The following MARCHF1 variants were observed in gnomAD, a reference collection of about 807,000 sequenced individuals.
MARCHF1 encodes E3 ubiquitin-protein ligase MARCHF1.
MARCHF1 carries 40 observed loss-of-function variants against 54.2 expected under a neutral mutation model. That is an observed-to-expected ratio of 0.74 (90% confidence interval 0.57 to 0.96). The LOEUF is 0.96. MARCHF1 is among the 40% of genes least tolerant of loss of function. MARCHF1 has a pLI of 0.00. For synonymous variants in MARCHF1, 236 were observed against 236.3 expected, an observed-to-expected ratio of 1.00 and a Z score of 0.01; for missense variants, 586 against 656.5, an observed-to-expected ratio of 0.89 and a Z score of 1.17.
chr4:164,263,717 G>T (rs1387291712), intron 1 of MARCHF1, among the ~76,000 whole-genome samples: 2 of 152,130 alleles, frequency 1.3e-5, no homozygotes, highest in African/African-American at 4.8e-5. Context: ...AAGAATACAT[G>T]CATGCAGCCA....
At chr4:163,953,190 C>T (rs1479783034) in intron 3 of MARCHF1, among the ~76,000 whole-genome samples, 1 of 152,172 alleles carries the variant, frequency 6.6e-6, no homozygotes, top group Non-Finnish European at 1.5e-5. Context: ...CGGTCTCCCT[C>T]ACCTTCCTAT....
chr4:163,986,249 C>CCTTTTTTTTTTTTTTTTTTTTTT (rs1752864138), intron 3 of MARCHF1, among the ~76,000 whole-genome samples: 5 of 28,896 alleles, frequency 1.7e-4, no homozygotes, highest in Non-Finnish European at 3.1e-4. Flanking sequence ...TTAACCTCTT[C>CCTTTTTTTTTTTTTTTTTTTTTT]TTTTTTTTTT....
At chr4:164,162,297 T>G (rs1730258848) in intron 1 of MARCHF1, among the ~76,000 whole-genome samples, 1 of 152,088 alleles carries the variant, frequency 6.6e-6, no homozygotes, top group South Asian at 2.1e-4. Context: ...TGGAAGATAT[T>G]ACATAGAATA....
chr4:163,805,806 A>G (rs1748210521), intron 4 of MARCHF1, among the ~76,000 whole-genome samples: 1 of 152,198 alleles, frequency 6.6e-6, no homozygotes. Flanking sequence ...AATGGTCACG[A>G]TATCTACACA....
chr4:163,716,237 CAAT>C (rs34752139), intron 4 of MARCHF1, among the ~76,000 whole-genome samples: 45,960 of 151,644 alleles, frequency 0.3, 8,686 homozygotes, highest in Non-Finnish European at 0.43. Flanking sequence ...ACAACAACAA[CAAT>C]ACAAGTATTC....
At chr4:164,289,266 T>A (rs1180858743) in intron 1 of MARCHF1, among the ~76,000 whole-genome samples, 1 of 152,014 alleles carries the variant, frequency 6.6e-6, no homozygotes, top group Non-Finnish European at 1.5e-5. Context: ...GTGATATCAA[T>A]CCTAGGAAGA....
At chr4:164,014,799 T>G (rs1016271964) in intron 2 of MARCHF1, among the ~76,000 whole-genome samples, 7 of 152,098 alleles carry the variant, frequency 4.6e-5, no homozygotes, top group African/African-American at 1.4e-4. Flanking sequence ...CATTATATAA[T>G]GATAAAGGGA....
chr4:164,094,416 C>T (rs1346855765), intron 2 of MARCHF1, among the ~76,000 whole-genome samples: 1 of 151,848 alleles, frequency 6.6e-6, no homozygotes, highest in Non-Finnish European at 1.5e-5. Context: ...CCAAGTTGGC[C>T]CAAAAAGAGA....
intron 3 of MARCHF1, among the ~76,000 whole-genome samples, chr4:163,898,539 G>A (rs1242909057): frequency 2.0e-5 from 3 of 152,176 alleles, no homozygotes; most frequent in South Asian, 2.1e-4. Context: ...AACAACAGAT[G>A]TTGGTGAGGA....
chr4:164,199,669 CACACACACACACAGAG>C (rs1384700301), intron 1 of MARCHF1, among the ~76,000 whole-genome samples: 2,446 of 60,410 alleles, frequency 0.04, 72 homozygotes, highest in African/African-American at 0.15. Flanking sequence ...CACACACACA[CACACACACACACAGAG>C]AGAGAGAGAG....
At chr4:164,038,363 G>A (rs1401786788) in intron 2 of MARCHF1, among the ~76,000 whole-genome samples, 4 of 152,034 alleles carry the variant, frequency 2.6e-5, no homozygotes, top group Admixed American at 2.0e-4. Flanking sequence ...GCGTGGTGGC[G>A]GCACCTGTAG....
chr4:163,605,237 T>C (rs1262910605), intron 7 of MARCHF1, among the ~76,000 whole-genome samples: 1 of 151,952 alleles, frequency 6.6e-6, no homozygotes, highest in African/African-American at 2.4e-5. Flanking sequence ...CATCAAAAAG[T>C]GGGCAAAGGA....
At position 163,898,226 on chromosome 4, in the gene MARCHF1, A is replaced by G. The variant is rs578013344; in HGVS notation, c.-38-44057T>C. ...GAAACTAAAAAGCTCTGCACAGCAA[A>G]AGAAATAATCAACAAAGAAAACAGG... On this transcript the variant is annotated intron_variant, in intron 3 of 9. Transcript: ENST00000514618. Among the ~76,000 whole-genome samples, 20 of 152,264 alleles carry G rather than the reference A, an allele frequency of 1.3e-4. 1 individual carries two copies. The highest frequency in any genetic ancestry group is 4.8e-4 in the African/African-American group (20 of 41,568).
At chr4:163,680,792 T>G (rs925808874) in intron 5 of MARCHF1, among the ~76,000 whole-genome samples, 1 of 152,184 alleles carries the variant, frequency 6.6e-6, no homozygotes, top group Non-Finnish European at 1.5e-5. Context: ...TACATGATGC[T>G]TCACTATGAC....
rs563758812 is a variant in MARCHF1 at position 164,044,608 on chromosome 4, G to C, written c.-247-55899C>G. 1.2e-4 allele frequency among the ~76,000 whole-genome samples: 19 copies of C among 152,204 alleles called. No individual in the cohort carries two copies. In the South Asian group the frequency reaches 4.0e-3, roughly 32 times the overall value. On this transcript the variant is annotated intron_variant, in intron 2 of 9. Transcript: ENST00000514618. Reference sequence around the variant, plus strand: ...AATCATTCAAGGAAAGGAGAAGTTTGACTTTGAGGGAGCAGGTGGTGGATG... The same window carrying C: ...AATCATTCAAGGAAAGGAGAAGTTTCACTTTGAGGGAGCAGGTGGTGGATG...
chr4:164,357,003 T>A (rs1207730470), intron 1 of MARCHF1, among the ~76,000 whole-genome samples: 1 of 151,534 alleles, frequency 6.6e-6, no homozygotes, highest in East Asian at 1.9e-4. Flanking sequence ...TCAGGAAAGA[T>A]AACTAGTGGG....
chr4:164,017,085 C>T (rs1333816555), intron 2 of MARCHF1, among the ~76,000 whole-genome samples: 2 of 151,762 alleles, frequency 1.3e-5, no homozygotes, highest in African/African-American at 4.8e-5. Context: ...CCCAAATAAG[C>T]AAAATTGGTT....
intron 1 of MARCHF1, among the ~76,000 whole-genome samples, chr4:164,120,072 T>TA (rs140444233): frequency 0.49 from 73,929 of 151,512 alleles, 18,373 homozygotes; most frequent in South Asian, 0.56. Flanking sequence ...TATTTAGTTA[T>TA]AAAAAATCAT....
At chr4:164,120,021 AT>A (rs927580133) in intron 1 of MARCHF1, among the ~76,000 whole-genome samples, 3 of 152,176 alleles carry the variant, frequency 2.0e-5, no homozygotes, top group South Asian at 4.1e-4. Context: ...ACTAAATTTG[AT>A]TAAACTGCAC....
Sources: gnomAD v4.1 joint callset for allele counts (sites outside exome capture counted in the v4.1 genomes callset) on GRCh38, gnomAD v4.1.1 for gene constraint, MANE v1.5 for transcripts, NCBI Gene and HGNC (gene_info 2026-07-23, HGNC 2026-07-21) for gene names.